The following FRMD6 variants were observed in gnomAD, a reference collection of about 807,000 sequenced individuals.
The protein encoded by FRMD6 is FERM domain-containing protein 6.
In FRMD6, 37 loss-of-function variants were observed where a neutral mutation model predicts 73.2. That is an observed-to-expected ratio of 0.51 (90% CI 0.39 to 0.66). The LOEUF is 0.66. Ranked by LOEUF, FRMD6 falls within the 30% of genes least tolerant of loss-of-function variation. FRMD6 has a pLI of 0.00. For synonymous variants in FRMD6, 273 were observed against 282.2 expected, an observed-to-expected ratio of 0.97 and a Z score of 0.33; for missense variants, 714 against 780.5, an observed-to-expected ratio of 0.91 and a Z score of 1.02.
the FRMD6 span, among the ~76,000 whole-genome samples, chr14:51,428,484 C>T: frequency 6.6e-6 from 1 of 152,150 alleles, no homozygotes. Flanking sequence ...TACAAGTCTT[C>T]AGATGAAGAG....
chr14:51,486,514 G>A (rs1882763417), upstream of FRMD6, among the ~76,000 whole-genome samples: 1 of 152,226 alleles, frequency 6.6e-6, no homozygotes, highest in African/African-American at 2.4e-5. Flanking sequence ...CATTTATGAA[G>A]TTCTTACTGT....
rs1262320201 is a variant in FRMD6 at position 51,712,506 on chromosome 14, A to G, written c.804A>G (p.Leu268=). ...IFQNLDEEKQ[L]LYDFPWTNVG... ...AGAATTTAGATGAAGAGAAACAATT[A>G]CTTTATGATTTCCCCTGGACAAATG... Residue 268 remains leucine, a synonymous_variant, in exon 9 of 14, where the codon TTA becomes TTG. Coordinates refer to ENST00000344768, the MANE Select transcript of FRMD6 (RefSeq NM_001267046.2). 6.3e-7 allele frequency: 1 copy of G among 1,599,290 alleles called. No homozygotes were observed. Among genetic ancestry groups the G allele is most frequent in the African/African-American group, 1.3e-5 (1 of 74,554 alleles).
At position 51,675,794 on chromosome 14, in the gene FRMD6, C is replaced by G. The variant is rs555946306; in HGVS notation, c.-146-13897C>G. Among the ~76,000 whole-genome samples, 5 of 152,060 alleles carry G rather than the reference C, an allele frequency of 3.3e-5. No individual in the cohort carries two copies. The South Asian group carries it at 8.4e-4, about 25-fold the overall frequency. ...GCACATGTACAATGTGTGTGTGTGTCTCTGTGGGTGTCCCCACAGCAAATG... is the reference window on the plus strand; with the variant it reads ...GCACATGTACAATGTGTGTGTGTGTGTCTGTGGGTGTCCCCACAGCAAATG... On this transcript the variant is annotated intron_variant, in intron 1 of 13. Coordinates refer to ENST00000344768, the MANE Select transcript of FRMD6 (RefSeq NM_001267046.2).
Position 51,721,999 on chromosome 14 carries a change from G to A in FRMD6, c.1411G>A (p.Glu471Lys), listed in dbSNP as rs1403274778. ...CCGGGATCTGGAGCAGATGAATGAA[G>A]AGTCTCTGGAAGTCAGCCCAGACAT... ...DPRDLEQMNE[E>K]SLEVSPDMCI... The change falls in exon 12 of 14, where the codon GAG becomes AAG. Residue 471 changes from glutamate (E) to lysine (K), a missense_variant. By Grantham distance (56) the Glu-to-Lys change is moderately conservative. Coordinates refer to ENST00000344768, the MANE Select transcript of FRMD6 (RefSeq NM_001267046.2). The A allele has an allele frequency of 6.2e-7, 1 of 1,614,132 alleles. No individual in the cohort carries two copies. Among genetic ancestry groups the A allele is most frequent in the East Asian group, 2.2e-5 (1 of 44,892 alleles).
At chr14:51,519,402 G>A (rs748812596) in intron 1 of FRMD6, among the ~76,000 whole-genome samples, 14 of 151,972 alleles carry the variant, frequency 9.2e-5, no homozygotes, top group Non-Finnish European at 1.8e-4. Flanking sequence ...CACCCACCTC[G>A]GCTTCCCAAA....
chr14:51,561,372 A>G (rs1040954966), intron 1 of FRMD6, among the ~76,000 whole-genome samples: 1 of 152,224 alleles, frequency 6.6e-6, no homozygotes, highest in East Asian at 1.9e-4. Context: ...AAGCAATTCC[A>G]TTTGGAATGT....
chr14:51,593,209 G>A (rs1202278143), intron 2 of FRMD6, among the ~76,000 whole-genome samples: 1 of 152,164 alleles, frequency 6.6e-6, no homozygotes, highest in African/African-American at 2.4e-5. Flanking sequence ...GAGGAGAGTA[G>A]GCAAGGGACT....
At chr14:51,470,413 T>C in the FRMD6 span, among the ~76,000 whole-genome samples, 3 of 152,038 alleles carry the variant, frequency 2.0e-5, no homozygotes, top group Non-Finnish European at 4.4e-5. Flanking sequence ...GGGAGGAGAA[T>C]TGCTTGAACC....
intron 7 of FRMD6, among the ~76,000 whole-genome samples, chr14:51,709,677 T>C (rs1170335474): frequency 6.6e-6 from 1 of 152,220 alleles, no homozygotes; most frequent in African/African-American, 2.4e-5. Context: ...AGTTGTAATT[T>C]TTTTTTAGCC....
chr14:51,409,923 A>G, the FRMD6 span, among the ~76,000 whole-genome samples: 1 of 152,116 alleles, frequency 6.6e-6, no homozygotes, highest in African/African-American at 2.4e-5. Context: ...ATCTTAGACC[A>G]TCTCCTTGAA....
rs994785903 is a variant in FRMD6, at chr14:51,490,677, C to G, written c.-210+1257C>G. Among the ~76,000 whole-genome samples, 5 of 151,478 alleles carry G rather than the reference C, an allele frequency of 3.3e-5. No individual in the cohort carries two copies. The South Asian group carries it at 1.0e-3, about 32-fold the overall frequency. On this transcript the variant is annotated intron_variant, in intron 1 of 14. Transcript: ENST00000356218. ...CTTCTTTAGTAACCTTTACCTACCT[C>G]TTATTCGTGTTGCCAACAAAAAGAC...
At chr14:51,614,699 T>G (rs1435166078) in intron 2 of FRMD6, among the ~76,000 whole-genome samples, 1 of 152,208 alleles carries the variant, frequency 6.6e-6, no homozygotes, top group African/African-American at 2.4e-5. Flanking sequence ...TTTTTCTGGA[T>G]CTCAGGCAGA....
chr14:51,437,674 T>TC, the FRMD6 span, among the ~76,000 whole-genome samples: 1 of 152,312 alleles, frequency 6.6e-6, no homozygotes, highest in East Asian at 1.9e-4. Flanking sequence ...CCCTTTTTTT[T>TC]CCTCTTGTGC....
chr14:51,661,490 G>A (rs978035123), intron 1 of FRMD6, among the ~76,000 whole-genome samples: 1 of 152,128 alleles, frequency 6.6e-6, no homozygotes, highest in East Asian at 1.9e-4. Context: ...TGCGTTGATG[G>A]TCTTGGGCTA....
chr14:51,538,795 T>G (rs1057505323), intron 1 of FRMD6, among the ~76,000 whole-genome samples: 1 of 152,242 alleles, frequency 6.6e-6, no homozygotes. Flanking sequence ...TCTTGATTAC[T>G]ACAGCTTTGT....
intron 2 of FRMD6, among the ~76,000 whole-genome samples, chr14:51,627,624 A>G (rs1008487546): frequency 1.3e-5 from 2 of 152,180 alleles, no homozygotes; most frequent in African/African-American, 4.8e-5. Context: ...TTGAAAGATC[A>G]AACAAAGCAA....
chr14:51,662,522 A>C (rs1893288635), intron 1 of FRMD6, among the ~76,000 whole-genome samples: 1 of 152,216 alleles, frequency 6.6e-6, no homozygotes, highest in Non-Finnish European at 1.5e-5. Context: ...GATTTGTGAC[A>C]AACCTGACAA....
At chr14:51,595,993 T>C (rs1179869739) in intron 2 of FRMD6, among the ~76,000 whole-genome samples, 2 of 152,238 alleles carry the variant, frequency 1.3e-5, no homozygotes, top group Non-Finnish European at 2.9e-5. Context: ...CTTCTGCTGT[T>C]GAAATCATAG....
At chr14:51,485,318 T>G (rs1317136602), upstream of FRMD6, among the ~76,000 whole-genome samples, 1 of 152,232 alleles carries the variant, frequency 6.6e-6, no homozygotes, top group Non-Finnish European at 1.5e-5. Flanking sequence ...TCTTCTCTTC[T>G]TAGAAGAAAA....
Sources: gnomAD v4.1 joint callset for allele counts (sites outside exome capture counted in the v4.1 genomes callset) on GRCh38, gnomAD v4.1.1 for gene constraint, MANE v1.5 for transcripts, NCBI Gene and HGNC (gene_info 2026-07-23, HGNC 2026-07-21) for gene names.